The following KDM4C variants were observed in gnomAD, a reference collection of about 807,000 sequenced individuals.
KDM4C encodes lysine-specific demethylase 4C.
In KDM4C, 81 loss-of-function variants were observed where a neutral mutation model predicts 129.3. The observed-to-expected ratio is 0.63, with a 90% CI of 0.52 to 0.75. The LOEUF (loss-of-function observed/expected upper bound fraction) is 0.75, where lower values mean the gene tolerates loss of function less well. Among genes scored for constraint, KDM4C ranks in the 30% least tolerant of loss-of-function variants. The pLI is 0.00. For missense variants in KDM4C, 1,457 were observed against 1,304.0 expected (o/e 1.12, Z -1.81); for synonymous variants, 573 against 456.1 (o/e 1.26, Z -3.26).
intron 3 of KDM4C, among the ~76,000 whole-genome samples, chr9:6,809,725 G>T (rs1053717990): frequency 6.6e-6 from 1 of 152,192 alleles, no homozygotes; most frequent in Non-Finnish European, 1.5e-5. Flanking sequence ...TAGGCTGGTT[G>T]TGGTGGCTCA....
intron 4 of KDM4C, among the ~76,000 whole-genome samples, chr9:6,826,980 C>A (rs185359581): frequency 6.6e-6 from 1 of 151,878 alleles, no homozygotes; most frequent in East Asian, 1.9e-4. Flanking sequence ...TGGGTGGAGG[C>A]GGGAGAGTAT....
chr9:7,018,769 A>G (rs182110482), intron 15 of KDM4C, among the ~76,000 whole-genome samples: 2 of 152,222 alleles, frequency 1.3e-5, no homozygotes, highest in Non-Finnish European at 2.9e-5. Context: ...TGCTGTTTTC[A>G]TGTAGCATGT....
chr9:7,124,917 A>C (rs970048918), intron 18 of KDM4C, among the ~76,000 whole-genome samples: 1 of 152,112 alleles, frequency 6.6e-6, no homozygotes, highest in Admixed American at 6.5e-5. Flanking sequence ...CTTTGTCCAA[A>C]TCATGAGCAT....
In KDM4C at chr9:7,108,162, C is replaced by G. The variant is rs547876042; in HGVS notation, c.2610+4292C>G. 1.5e-4 allele frequency among the ~76,000 whole-genome samples: 23 copies of G among 152,242 alleles called. 1 individual carries two copies. Among genetic ancestry groups the G allele is most frequent in the Non-Finnish European group, 2.2e-4 (15 of 67,998 alleles). The stretch of plus-strand genomic sequence containing the variant: ...GATCTTGTTATTCCACCATCTGGCC[C>G]TCTTCCATGTGTCTTCTAACTCTCA... On this transcript the variant is annotated intron_variant, in intron 18 of 21. Coordinates refer to ENST00000381309, the MANE Select transcript of KDM4C (RefSeq NM_015061.6).
intron 4 of KDM4C, among the ~76,000 whole-genome samples, chr9:6,839,353 C>T (rs886742520): frequency 2.0e-5 from 3 of 151,596 alleles, no homozygotes; most frequent in Non-Finnish European, 4.4e-5. Context: ...CGTCAACTTT[C>T]CTAGTAGCTG....
chr9:6,984,772 C>T (rs1377319993), intron 10 of KDM4C, among the ~76,000 whole-genome samples: 1 of 151,518 alleles, frequency 6.6e-6, no homozygotes, highest in Non-Finnish European at 1.5e-5. Flanking sequence ...TTTGTAGATT[C>T]TTAGCTTTCG....
chr9:6,914,395 C>T (rs1175943287), intron 8 of KDM4C, among the ~76,000 whole-genome samples: 1 of 152,112 alleles, frequency 6.6e-6, no homozygotes, highest in East Asian at 1.9e-4. Context: ...TTTAATAAAG[C>T]ATTGTCTAAG....
chr9:6,803,254 C>T (rs1415920922), intron 2 of KDM4C, among the ~76,000 whole-genome samples: 1 of 152,082 alleles, frequency 6.6e-6, no homozygotes, highest in African/African-American at 2.4e-5. Context: ...TACATGTGTG[C>T]TGTTTTTCAA....
intron 15 of KDM4C, among the ~76,000 whole-genome samples, chr9:7,023,390 T>C (rs1047838658): frequency 1.3e-5 from 2 of 152,166 alleles, no homozygotes; most frequent in East Asian, 1.9e-4. Context: ...TCTAGGAATT[T>C]ACCCATTTGT....
chr9:6,848,031 G>T (rs908276162), intron 4 of KDM4C, among the ~76,000 whole-genome samples: 1 of 152,122 alleles, frequency 6.6e-6, no homozygotes, highest in African/African-American at 2.4e-5. Flanking sequence ...GACAATTTTG[G>T]TAGACATAGA....
At chr9:7,130,192 C>T (rs1250649783) in intron 19 of KDM4C, among the ~76,000 whole-genome samples, 1 of 152,170 alleles carries the variant, frequency 6.6e-6, no homozygotes, top group Admixed American at 6.5e-5. Flanking sequence ...TGGTGAGGAA[C>T]ACTGTGGTGG....
Position 6,758,177 on chromosome 9 carries a change from G to T in KDM4C, c.-44G>T. On this transcript the variant is annotated 5_prime_UTR_variant, in exon 1 of 22. Transcript: ENST00000381309. This position sits in a 1 kb window ranked among gnomAD's most constrained non-coding sequence, Gnocchi z 4.6. ...TCTTCTCTTCCTCCTCCACCGAGTC[G>T]TGCTCTCGCCCCAACCCGCGCGCCA... 1 of 986,042 alleles carries T rather than the reference G, an allele frequency of 1.0e-6. No individual in the cohort carries two copies. Among genetic ancestry groups the T allele is most frequent in the Non-Finnish European group, 1.2e-6 (1 of 830,474 alleles). 61.1% of individuals were successfully genotyped at this position (986,042 alleles called of 1,614,324 possible).
chr9:6,908,600 C>G (rs556387471), intron 8 of KDM4C, among the ~76,000 whole-genome samples: 2 of 151,724 alleles, frequency 1.3e-5, no homozygotes, highest in Admixed American at 1.3e-4. Context: ...CCAGGTGTGA[C>G]AAGATCTTCT....
intron 15 of KDM4C, among the ~76,000 whole-genome samples, chr9:7,022,531 A>G (rs1439253148): frequency 6.6e-6 from 1 of 151,506 alleles, no homozygotes; most frequent in African/African-American, 2.4e-5. Context: ...TATCAGTTCT[A>G]GTAGTTTTTT....
At chr9:6,982,185 T>G (rs918814409) in intron 9 of KDM4C, 6 of 151,846 alleles carry the variant, frequency 4.0e-5, no homozygotes, top group African/African-American at 1.5e-4. Context: ...ATTTTACATC[T>G]TTGCCCAGAC....
chr9:7,087,538 T>TA (rs1253087084), intron 17 of KDM4C, among the ~76,000 whole-genome samples: 4 of 152,140 alleles, frequency 2.6e-5, no homozygotes, highest in Non-Finnish European at 5.9e-5. Flanking sequence ...GGAAATTTTT[T>TA]AAAAAAATTA....
intron 8 of KDM4C, among the ~76,000 whole-genome samples, chr9:6,913,404 ACTGT>A (rs1196618132): frequency 6.6e-6 from 1 of 152,224 alleles, no homozygotes; most frequent in Non-Finnish European, 1.5e-5. Flanking sequence ...AATCTAATGC[ACTGT>A]CTTAGGCTCT....
At chr9:6,916,491 C>G (rs982393166) in intron 8 of KDM4C, among the ~76,000 whole-genome samples, 7 of 152,034 alleles carry the variant, frequency 4.6e-5, no homozygotes, top group African/African-American at 1.7e-4. Flanking sequence ...CCTGGCTGGT[C>G]TCAAGTGATC....
At chr9:6,792,057 C>T (rs979879161) in intron 1 of KDM4C, among the ~76,000 whole-genome samples, 2 of 150,966 alleles carry the variant, frequency 1.3e-5, no homozygotes, top group African/African-American at 2.4e-5. Context: ...TTTATTTTTA[C>T]GTCTGGGCTC....
Sources: allele counts gnomAD v4.1 joint callset (sites outside exome capture counted in the v4.1 genomes callset), GRCh38; gene constraint gnomAD v4.1.1; non-coding constraint Gnocchi (gnomAD v3.1); transcripts MANE v1.5; gene names NCBI Gene and HGNC (gene_info 2026-07-23, HGNC 2026-07-21).